Variants in TMEM132D observed in about 807,000 individuals in gnomAD.
The protein encoded by TMEM132D is mature OL transmembrane protein.
In TMEM132D, 21 loss-of-function variants were observed where a neutral mutation model predicts 62.3. That is an observed-to-expected ratio of 0.34 (90% CI 0.24 to 0.49). The LOEUF (loss-of-function observed/expected upper bound fraction) is 0.49. TMEM132D is among the 20% of genes least tolerant of loss of function. The pLI, the probability that TMEM132D is intolerant of heterozygous loss-of-function variation, is 0.99. For synonymous variants in TMEM132D, 621 were observed against 575.6 expected (o/e 1.08, Z -1.13); for missense variants, 1,346 against 1,402.8 (o/e 0.96, Z 0.65).
chr12:129,325,998 G>C (rs969191080), intron 4 of TMEM132D, among the ~76,000 whole-genome samples: 5 of 152,170 alleles, frequency 3.3e-5, no homozygotes, highest in Non-Finnish European at 7.3e-5. Flanking sequence ...GAGGCCCCCC[G>C]GGACTCTGAA....
intron 5 of TMEM132D, among the ~76,000 whole-genome samples, chr12:129,138,194 G>A (rs1876641958): frequency 6.6e-6 from 1 of 152,144 alleles, no homozygotes; most frequent in Admixed American, 6.5e-5. Flanking sequence ...AGGGCTCAGT[G>A]CTGCCAGGCA....
chr12:129,554,548 A>G (rs1006618817), intron 2 of TMEM132D, among the ~76,000 whole-genome samples: 1 of 152,102 alleles, frequency 6.6e-6, no homozygotes, highest in Non-Finnish European at 1.5e-5. Flanking sequence ...TATGTTCATG[A>G]ACAGCCATGT....
intron 2 of TMEM132D, among the ~76,000 whole-genome samples, chr12:129,532,816 C>T (rs967360002): frequency 1.8e-4 from 27 of 152,328 alleles, no homozygotes; most frequent in African/African-American, 5.8e-4. Context: ...GCTCCTCTGG[C>T]AGTGCTGTCC....
At chr12:129,229,121 T>C (rs1417738773) in intron 4 of TMEM132D, among the ~76,000 whole-genome samples, 1 of 152,230 alleles carries the variant, frequency 6.6e-6, no homozygotes, top group East Asian at 1.9e-4. Flanking sequence ...TGTGCCAACG[T>C]TGTCCAGTTC....
chr12:129,091,918 G>C (rs1321724549), intron 5 of TMEM132D, among the ~76,000 whole-genome samples: 1 of 152,192 alleles, frequency 6.6e-6, no homozygotes, highest in Admixed American at 6.5e-5. Flanking sequence ...TAGATTGTTA[G>C]ACATTCCAAA....
intron 5 of TMEM132D, 41 bp from the exon 6 acceptor site, chr12:129,084,743 C>G (rs1874559986): frequency 6.3e-7 from 1 of 1,595,930 alleles, no homozygotes; most frequent in Non-Finnish European, 8.6e-7. Context: ...GAAAGGTGAG[C>G]TTTCATCCCG....
intron 1 of TMEM132D, among the ~76,000 whole-genome samples, chr12:129,733,172 G>A (rs1487747501): frequency 6.6e-6 from 1 of 152,162 alleles, no homozygotes; most frequent in Non-Finnish European, 1.5e-5. Flanking sequence ...AAACCTGAAG[G>A]GGTGTGGGAA....
At chr12:129,617,808 C>T (rs1878961357) in intron 2 of TMEM132D, among the ~76,000 whole-genome samples, 1 of 152,134 alleles carries the variant, frequency 6.6e-6, no homozygotes, top group African/African-American at 2.4e-5. Context: ...TGAGGTTCCA[C>T]CCTCATAATC....
In TMEM132D at chr12:129,432,811, A is replaced by G. The variant is rs147607100; in HGVS notation, c.1116-94994T>C. Among the ~76,000 whole-genome samples, 1,030 of 152,340 alleles carry G rather than the reference A, an allele frequency of 6.8e-3. 11 individuals carry two copies. The highest frequency in any genetic ancestry group is 0.023 in the African/African-American group (943 of 41,580). ...TTTTTGTATAATAAACATATAATGC[A>G]TGAATCATTAGTGTGCAGATGGATG... is the stretch of plus-strand genomic sequence containing the variant. On this transcript the variant is annotated intron_variant, in intron 3 of 8. Coordinates refer to ENST00000422113, the MANE Select transcript of TMEM132D (RefSeq NM_133448.3).
At chr12:129,182,272 G>A (rs553052145) in intron 5 of TMEM132D, among the ~76,000 whole-genome samples, 5 of 152,224 alleles carry the variant, frequency 3.3e-5, no homozygotes, top group African/African-American at 9.6e-5. Flanking sequence ...ACTGAGGCAG[G>A]AGAATGGCTT....
At chr12:129,104,578 A>G (rs1322813745) in intron 5 of TMEM132D, among the ~76,000 whole-genome samples, 2 of 152,084 alleles carry the variant, frequency 1.3e-5, no homozygotes, top group African/African-American at 4.8e-5. Context: ...TGCACAGCAA[A>G]AGAAACTACC....
chr12:129,739,203 C>T (rs1869522165), intron 1 of TMEM132D, among the ~76,000 whole-genome samples: 1 of 152,190 alleles, frequency 6.6e-6, no homozygotes, highest in South Asian at 2.1e-4. Flanking sequence ...GTCCTGCATC[C>T]TGCCCTGCTC....
At chr12:129,492,180 A>G (rs926912312) in intron 3 of TMEM132D, among the ~76,000 whole-genome samples, 1 of 152,222 alleles carries the variant, frequency 6.6e-6, no homozygotes, top group Non-Finnish European at 1.5e-5. Context: ...TAAAATTAGT[A>G]CAGAAAATTA....
chr12:129,232,610 T>C (rs1329800339), intron 4 of TMEM132D, among the ~76,000 whole-genome samples: 2 of 152,156 alleles, frequency 1.3e-5, no homozygotes, highest in African/African-American at 4.8e-5. Flanking sequence ...CACCGAACGA[T>C]TACTATTTGC....
chr12:129,748,894 C>A (rs919510889), intron 1 of TMEM132D, among the ~76,000 whole-genome samples: 1 of 152,236 alleles, frequency 6.6e-6, no homozygotes, highest in Non-Finnish European at 1.5e-5. Flanking sequence ...AAACCCCTTA[C>A]TTTTTGTACC....
intron 3 of TMEM132D, among the ~76,000 whole-genome samples, chr12:129,418,787 T>C (rs1427207567): frequency 6.6e-6 from 1 of 152,044 alleles, no homozygotes; most frequent in Non-Finnish European, 1.5e-5. Flanking sequence ...TTAGCTAAGT[T>C]AAGATGAGGC....
At chr12:129,573,818 CG>C (rs1877584725) in intron 2 of TMEM132D, among the ~76,000 whole-genome samples, 1 of 151,780 alleles carries the variant, frequency 6.6e-6, no homozygotes, top group African/African-American at 2.4e-5. Context: ...CAGGATATTC[CG>C]TGTGAAAGAA....
At chr12:129,448,495 C>A (rs1029016789) in intron 3 of TMEM132D, among the ~76,000 whole-genome samples, 4 of 152,138 alleles carry the variant, frequency 2.6e-5, no homozygotes, top group African/African-American at 7.2e-5. Flanking sequence ...TCTGTTCCTG[C>A]ATTAATTTGC....
intron 5 of TMEM132D, chr12:129,170,208 T>G (rs1011001015): frequency 6.6e-6 from 1 of 152,204 alleles, no homozygotes; most frequent in African/African-American, 2.4e-5. Flanking sequence ...ATATGCAAAC[T>G]GTGAATAAAT....
Sources: allele counts gnomAD v4.1 joint callset (sites outside exome capture counted in the v4.1 genomes callset), GRCh38; gene constraint gnomAD v4.1.1; transcripts MANE v1.5; gene names NCBI Gene and HGNC (gene_info 2026-07-23, HGNC 2026-07-21).